Variants in ATP2A2 observed in about 807,000 individuals in gnomAD.
ATP2A2 encodes the protein ATPase sarcoplasmic/endoplasmic reticulum Ca2+ transporting 2, also known as sarcoplasmic/endoplasmic reticulum calcium ATPase 2.
A neutral mutation model predicts 109.3 loss-of-function variants in ATP2A2; 14 were observed. The observed-to-expected ratio is 0.13, with a 90% CI of 0.08 to 0.20. The LOEUF is 0.20. Among genes scored for constraint, ATP2A2 ranks in the 10% least tolerant of loss-of-function variants. ATP2A2 has a pLI of 1.00. For missense variants in ATP2A2, 657 were observed against 1,321.6 expected (o/e 0.50, Z 7.80); for synonymous variants, 506 against 490.9 (o/e 1.03, Z -0.41).
chr12:110,318,446 C>T (rs1468525978), intron 5 of ATP2A2, among the ~76,000 whole-genome samples: 2 of 152,136 alleles, frequency 1.3e-5, no homozygotes, highest in African/African-American at 4.8e-5. Context: ...ATGTGATGGT[C>T]CCTCTAGCTA....
intron 5 of ATP2A2, among the ~76,000 whole-genome samples, chr12:110,309,265 C>T (rs1875739084): frequency 7.2e-6 from 1 of 139,008 alleles, no homozygotes; most frequent in Non-Finnish European, 1.5e-5. Flanking sequence ...TCAAGCGATT[C>T]TCCTGCCTCA....
chr12:110,313,796 T>C (rs1051673641), intron 5 of ATP2A2, among the ~76,000 whole-genome samples: 7 of 149,318 alleles, frequency 4.7e-5, no homozygotes, highest in African/African-American at 1.7e-4. Context: ...CTGGAACCTC[T>C]GCCTCCTGGG....
At chr12:110,322,674 C>G (rs1379636522) in intron 5 of ATP2A2, among the ~76,000 whole-genome samples, 1 of 152,076 alleles carries the variant, frequency 6.6e-6, no homozygotes, top group African/African-American at 2.4e-5. Context: ...TTACTTACTG[C>G]TAAGTAGGAA....
intron 5 of ATP2A2, among the ~76,000 whole-genome samples, chr12:110,298,961 C>A (rs1874259458): frequency 6.6e-6 from 1 of 152,072 alleles, no homozygotes; most frequent in Non-Finnish European, 1.5e-5. Context: ...TCAGAATTTA[C>A]CAGTTATCAC....
intron 5 of ATP2A2, among the ~76,000 whole-genome samples, chr12:110,319,617 A>G (rs1381847792): frequency 2.7e-5 from 4 of 148,658 alleles, no homozygotes; most frequent in Non-Finnish European, 5.9e-5. Flanking sequence ...TTTCATATAC[A>G]TAATATATAC....
intron 3 of ATP2A2, among the ~76,000 whole-genome samples, chr12:110,288,061 A>G (rs984410158): frequency 4.7e-5 from 7 of 149,920 alleles, no homozygotes; most frequent in African/African-American, 1.7e-4. Context: ...TGAGCCTCCC[A>G]AGTAGCTGGG....
chr12:110,334,327 T>C, intron 11 of ATP2A2, 184 bp downstream of exon 11: 1 of 802,826 alleles, frequency 1.2e-6, no homozygotes, highest in South Asian at 1.6e-5. Context: ...ACCAGGAAAA[T>C]AAAAGCAATC....
chr12:110,332,918 T>G (rs1878484592), intron 9 of ATP2A2, among the ~76,000 whole-genome samples: 1 of 152,254 alleles, frequency 6.6e-6, no homozygotes, highest in Admixed American at 6.5e-5. Context: ...GGATTTGTGT[T>G]TGTTATTCAC....
At chr12:110,291,993 C>T in intron 3 of ATP2A2, 27 bp from the exon 4 acceptor site, 1 of 1,587,710 alleles carries the variant, frequency 6.3e-7, no homozygotes, top group Non-Finnish European at 8.7e-7. Flanking sequence ...TAAAAAGACA[C>T]ATTCTAACGT....
chr12:110,309,140 ATTTTTTTTTTTTTTTT>A (rs10665212), intron 5 of ATP2A2, among the ~76,000 whole-genome samples: 244 of 48,944 alleles, frequency 5.0e-3, no homozygotes, highest in African/African-American at 0.018. Flanking sequence ...AAGGAAACTA[ATTTTTTTTTTTTTTTT>A]TTTTTTTTTT....
intron 5 of ATP2A2, among the ~76,000 whole-genome samples, chr12:110,305,844 T>G (rs1411934487): frequency 1.3e-5 from 2 of 152,048 alleles, no homozygotes; most frequent in Admixed American, 1.3e-4. Flanking sequence ...ATATCAAGTC[T>G]TTGGATCCAT....
rs947130167 is a variant in ATP2A2, at chr12:110,349,013, G to A, written c.*2543G>A. ...GTTGAGTAGTGTGTGGCCTGCTGTC[G>A]CACAGCCCCTAGTTAGCTTCATGGT... On this transcript the variant is annotated 3_prime_UTR_variant, in exon 20 of 20. Transcript: ENST00000539276. The A allele has an allele frequency of 1.6e-5, 16 of 985,206 alleles. No homozygotes were observed. In the East Asian group the frequency reaches 5.7e-4, roughly 35 times the overall value. 61.0% of individuals were successfully genotyped at this position (985,206 alleles called of 1,614,324 possible).
At chr12:110,310,294 T>A (rs1330098787) in intron 5 of ATP2A2, among the ~76,000 whole-genome samples, 1 of 151,978 alleles carries the variant, frequency 6.6e-6, no homozygotes, top group Non-Finnish European at 1.5e-5. Context: ...GCCATGGTTT[T>A]GTGGGATGTT....
At chr12:110,310,648 C>A (rs1006835011) in intron 5 of ATP2A2, among the ~76,000 whole-genome samples, 1 of 152,124 alleles carries the variant, frequency 6.6e-6, no homozygotes, top group Admixed American at 6.6e-5. Flanking sequence ...GTAGTGGAAG[C>A]AACACAATCT....
chr12:110,346,305 C>T lies in ATP2A2; in HGVS notation c.2964C>T (p.Arg988=). ...LMDETLKFVA[R]NYLEPGKECV... ...ATGAGACGCTCAAGTTTGTGGCCCG[C>T]AACTACCTGGAACCTGGTAAAGAGT... The change falls in exon 20 of 20, where the codon CGC becomes CGT. Residue 988 remains arginine, a synonymous_variant. Transcript: ENST00000539276. 2 of 1,614,166 alleles carry T rather than the reference C, an allele frequency of 1.2e-6. No individual in the cohort carries two copies. Among genetic ancestry groups the T allele is most frequent in the Non-Finnish European group, 1.7e-6 (2 of 1,180,022 alleles).
At chr12:110,292,194 C>T (rs1166728437) in intron 4 of ATP2A2, 70 bp downstream of exon 4, 30 of 1,142,716 alleles carry the variant, frequency 2.6e-5, no homozygotes, top group Non-Finnish European at 3.7e-5. Flanking sequence ...ATTAATCTTT[C>T]TGTTATCTGT....
In ATP2A2 at chr12:110,343,286, G is replaced by A. The variant is rs1592864851; in HGVS notation, c.2373G>A (p.Leu791=). ...CCGAGGCTTTGATTCCTGTTCAGCT[G>A]CTCTGGGTCAATCTGGTGACAGATG... ...GFPEALIPVQ[L]LWVNLVTDGL... is the part of the protein sequence containing the mutation. The change falls in exon 16 of 20, where the codon CTG becomes CTA. Residue 791 remains leucine (L), a synonymous_variant. Coordinates refer to ENST00000539276, the MANE Select transcript of ATP2A2 (RefSeq NM_170665.4). The A allele has an allele frequency of 6.2e-7, 1 of 1,614,140 alleles. No individual in the cohort carries two copies. The highest frequency in any genetic ancestry group is 8.5e-7 in the Non-Finnish European group (1 of 1,180,038).
At chr12:110,315,370 C>G (rs1422899798) in intron 5 of ATP2A2, among the ~76,000 whole-genome samples, 3 of 152,124 alleles carry the variant, frequency 2.0e-5, no homozygotes, top group Non-Finnish European at 4.4e-5. Flanking sequence ...TAACTGGAAA[C>G]TTGCTTAATG....
rs1201349163 is a variant in ATP2A2, at chr12:110,281,683, C to T, written c.-107C>T. 5.9e-6 allele frequency: 4 copies of T among 681,734 alleles called. No individual in the cohort carries two copies. The highest frequency in any genetic ancestry group is 8.7e-6 in the Non-Finnish European group (4 of 458,974). 42.2% of individuals were successfully genotyped at this position (681,734 alleles called of 1,614,324 possible). On this transcript the variant is annotated 5_prime_UTR_variant, in exon 1 of 20. Transcript: ENST00000539276. ...GCCGCAAGAGGAGGAGGGGAGAGCC[C>T]GTCCGCGCCTGGGCTCCCGGGGTGG...
Sources: allele counts gnomAD v4.1 joint callset (sites outside exome capture counted in the v4.1 genomes callset), GRCh38; gene constraint gnomAD v4.1.1; transcripts MANE v1.5; gene names NCBI Gene and HGNC (gene_info 2026-07-23, HGNC 2026-07-21).